Variants in ERC2 observed in about 807,000 individuals in gnomAD.
The protein encoded by ERC2 is ELKS/RAB6-interacting/CAST family member 2, also known as ERC protein 2.
In ERC2, 42 loss-of-function variants were observed where a neutral mutation model predicts 114.8. That is an observed-to-expected ratio of 0.37 (90% CI 0.29 to 0.47). The LOEUF (loss-of-function observed/expected upper bound fraction) is 0.47. Ranked by LOEUF, ERC2 falls within the 20% of genes least tolerant of loss-of-function variation. The pLI is 0.99. For synonymous variants in ERC2, 454 were observed against 425.5 expected, an observed-to-expected ratio of 1.07 and a Z score of -0.82; for missense variants, 939 against 1,150.7, an observed-to-expected ratio of 0.82 and a Z score of 2.66.
At chr3:56,261,713 T>C (rs932211377) in intron 3 of ERC2, among the ~76,000 whole-genome samples, 2 of 151,926 alleles carry the variant, frequency 1.3e-5, no homozygotes, top group African/African-American at 4.8e-5. Context: ...TTTTAACTTT[T>C]ATTTTAAGTT....
chr3:56,005,787 T>C (rs541113580), intron 10 of ERC2, among the ~76,000 whole-genome samples: 4 of 152,074 alleles, frequency 2.6e-5, no homozygotes, highest in Non-Finnish European at 5.9e-5. Context: ...GCTTAAAGCC[T>C]GCCTTATGAT....
intron 13 of ERC2, among the ~76,000 whole-genome samples, chr3:55,948,537 AT>A (rs2067278759): frequency 6.6e-6 from 1 of 152,230 alleles, no homozygotes; most frequent in Non-Finnish European, 1.5e-5. Flanking sequence ...AACCAGAGAC[AT>A]TTTCATCAAA....
intron 14 of ERC2, among the ~76,000 whole-genome samples, chr3:55,754,863 C>T (rs539095999): frequency 2.0e-5 from 3 of 152,138 alleles, no homozygotes; most frequent in African/African-American, 7.2e-5. Context: ...GCTAAAGTAT[C>T]TATAACCCAT....
At chr3:55,777,175 C>A (rs1300882617) in intron 14 of ERC2, among the ~76,000 whole-genome samples, 1 of 152,222 alleles carries the variant, frequency 6.6e-6, no homozygotes, top group Non-Finnish European at 1.5e-5. Context: ...CACCTGGCAC[C>A]CTGTGGATCA....
chr3:56,009,778 G>A (rs906466057), intron 9 of ERC2, among the ~76,000 whole-genome samples: 1 of 152,134 alleles, frequency 6.6e-6, no homozygotes, highest in Non-Finnish European at 1.5e-5. Context: ...AAGAATGGGG[G>A]AATAGCCCAA....
In ERC2 at chr3:55,620,404, C is replaced by T. The variant is rs192792229; in HGVS notation, c.*39+63390G>A. ...AACTTTTAAACCCTGCTTTGAATTTCGCTTCCTCAATTACCACAGAAAATG... is the reference window on the plus strand; with the variant it reads ...AACTTTTAAACCCTGCTTTGAATTTTGCTTCCTCAATTACCACAGAAAATG... On this transcript the variant is annotated intron_variant, in intron 17 of 17. Transcript: ENST00000288221. Among the ~76,000 whole-genome samples, 16 of 152,282 alleles carry T rather than the reference C, an allele frequency of 1.1e-4. No homozygotes were observed. The East Asian group carries it at 2.9e-3, about 28-fold the overall frequency.
At chr3:56,042,256 G>A (rs1267992218) in intron 7 of ERC2, among the ~76,000 whole-genome samples, 1 of 152,196 alleles carries the variant, frequency 6.6e-6, no homozygotes, top group African/African-American at 2.4e-5. Flanking sequence ...ATTCCCAAAT[G>A]ACATAAAGCT....
At chr3:55,943,846 CA>C (rs1380561690) in intron 13 of ERC2, among the ~76,000 whole-genome samples, 1 of 152,114 alleles carries the variant, frequency 6.6e-6, no homozygotes. Flanking sequence ...AGATCAGAGT[CA>C]GGGGTAAACA....
chr3:55,587,083 TA>T (rs2057642040), intron 17 of ERC2, among the ~76,000 whole-genome samples: 1 of 152,256 alleles, frequency 6.6e-6, no homozygotes, highest in Admixed American at 6.5e-5. Context: ...TTTAAAATTT[TA>T]AACAAATGTT....
At chr3:55,602,852 G>T (rs2058469470) in intron 17 of ERC2, among the ~76,000 whole-genome samples, 1 of 152,108 alleles carries the variant, frequency 6.6e-6, no homozygotes, top group African/African-American at 2.4e-5. Flanking sequence ...TCTATGCTGT[G>T]CTAGTTTCTG....
intron 3 of ERC2, among the ~76,000 whole-genome samples, chr3:56,237,676 A>G (rs1017246932): frequency 4.2e-4 from 64 of 152,134 alleles, no homozygotes; most frequent in African/African-American, 1.4e-3. Flanking sequence ...TTTTTCTATG[A>G]CAGGACAGAA....
chr3:55,572,529 G>A (rs1474258948), intron 17 of ERC2, among the ~76,000 whole-genome samples: 5 of 152,196 alleles, frequency 3.3e-5, no homozygotes, highest in Non-Finnish European at 4.4e-5. Context: ...AGAAAATAAC[G>A]AATATTTATT....
At chr3:55,852,632 G>A (rs182316649) in intron 14 of ERC2, 78 of 152,862 alleles carry the variant, frequency 5.1e-4, no homozygotes, top group Non-Finnish European at 9.2e-4. Flanking sequence ...GAGGGTAAAG[G>A]TACATGGATT....
chr3:56,233,275 C>T (rs187531042), intron 3 of ERC2, among the ~76,000 whole-genome samples: 22 of 152,316 alleles, frequency 1.4e-4, no homozygotes, highest in African/African-American at 4.1e-4. Context: ...TTTCCTATTG[C>T]TGCTGTTACA....
chr3:56,246,458 T>G (rs2051715920), intron 3 of ERC2, among the ~76,000 whole-genome samples: 2 of 152,296 alleles, frequency 1.3e-5, no homozygotes, highest in South Asian at 2.1e-4. Flanking sequence ...TGTTCTAAAC[T>G]TTTTAGTTTC....
chr3:56,213,898 T>C lies in ERC2; in HGVS notation c.1075-40378A>G, dbSNP rs139162567. On this transcript the variant is annotated intron_variant, in intron 3 of 17. Coordinates refer to ENST00000288221, the MANE Select transcript of ERC2 (RefSeq NM_015576.3). ...TGCTGATACCCAGGAAAACGGGGTC[T>C]AGAGTGGACCTCCAGCAAACTCCAA... Among the ~76,000 whole-genome samples the C allele has an allele frequency of 3.4e-3, 525 of 152,288 alleles. 11 individuals carry two copies. The East Asian group carries it at 0.042, about 12-fold the overall frequency.
intron 1 of ERC2, among the ~76,000 whole-genome samples, chr3:56,465,146 G>C (rs747969388): frequency 3.9e-5 from 6 of 152,130 alleles, no homozygotes; most frequent in Non-Finnish European, 8.8e-5. Context: ...CACCTGTAAT[G>C]CCAGCACTTT....
Position 56,075,567 on chromosome 3 carries a change from G to A in ERC2, c.1641+5250C>T, listed in dbSNP as rs76321398. On this transcript the variant is annotated intron_variant, in intron 7 of 17. Transcript: ENST00000288221. ...CATCAAGTGATTTCCTTCTGGTAAC[G>A]TGCCATATGTTGTTCTCCACTGCAC... Among the ~76,000 whole-genome samples the A allele has an allele frequency of 3.7e-3, 557 of 152,212 alleles. 1 individual carries two copies. The highest frequency in any genetic ancestry group is 0.013 in the African/African-American group (535 of 41,546).
At chr3:56,169,067 T>G (rs1026014862) in intron 4 of ERC2, among the ~76,000 whole-genome samples, 3 of 152,214 alleles carry the variant, frequency 2.0e-5, no homozygotes, top group Non-Finnish European at 4.4e-5. Context: ...AATCCCCACT[T>G]CAATTACCAC....
Sources: gnomAD v4.1 joint callset for allele counts (sites outside exome capture counted in the v4.1 genomes callset) on GRCh38, gnomAD v4.1.1 for gene constraint, MANE v1.5 for transcripts, NCBI Gene and HGNC (gene_info 2026-07-23, HGNC 2026-07-21) for gene names.